SLC43A3: variants seen among roughly 807,000 people sequenced by gnomAD.
SLC43A3 encodes solute carrier family 43 member 3.
A neutral mutation model predicts 53.3 loss-of-function variants in SLC43A3; 33 were observed. That is an observed-to-expected ratio of 0.62 (90% CI 0.47 to 0.83). SLC43A3 has a LOEUF of 0.83. Among genes scored for constraint, SLC43A3 ranks in the 40% least tolerant of loss-of-function variants. The pLI is 0.00. For synonymous variants in SLC43A3, 236 were observed against 246.2 expected (o/e 0.96, Z 0.39); for missense variants, 530 against 610.0 (o/e 0.87, Z 1.38).
Position 57,415,100 on chromosome 11 carries a change from G to A in SLC43A3, c.776C>T (p.Pro259Leu). ...KEFLSAKEET[P>L]GAGQKQELRS... ...GAGTTCCTGCTTCTGCCCTGCCCCT[G>A]GGGTCTCTAATGGGGAGAGGAGGAT... is the stretch of plus-strand genomic sequence containing the variant. Residue 259 changes from proline to leucine, a missense_variant, in exon 10 of 14, where the codon CCA (proline) becomes CTA (leucine). Physicochemically the swap from Pro to Leu is moderately conservative, Grantham distance 98. Around this residue, in one of 3 missense-constraint regions of SLC43A3, gnomAD observed 376 missense variants for 386.7 expected, o/e 0.97. Coordinates refer to ENST00000395124, the MANE Select transcript of SLC43A3 (RefSeq NM_199329.3). 1 of 1,608,904 alleles carries A rather than the reference G, an allele frequency of 6.2e-7. No homozygotes were observed. The highest frequency in any genetic ancestry group is 8.5e-7 in the Non-Finnish European group (1 of 1,177,350).
intron 8 of SLC43A3, 25 bp from the exon 9 acceptor site, chr11:57,416,695 C>T: frequency 6.3e-7 from 1 of 1,587,816 alleles, no homozygotes; most frequent in Non-Finnish European, 8.6e-7. Flanking sequence ...GCCCCACCAG[C>T]AAGGCCAAGG....
Position 57,412,846 on chromosome 11 carries a change from C to T in SLC43A3, c.1060+1769G>A, listed in dbSNP as rs555375078. Among the ~76,000 whole-genome samples, 193 of 151,686 alleles carry T rather than the reference C, an allele frequency of 1.3e-3. 5 individuals carry two copies. The South Asian group carries it at 0.022, about 17-fold the overall frequency. ...GAAAGAAAAGAAAATCATCCTTTTG[C>T]GATCCTAATGAAATAATGGGCCTAG... On this transcript the variant is annotated intron_variant, in intron 11 of 13. Coordinates refer to ENST00000395124, the MANE Select transcript of SLC43A3 (RefSeq NM_199329.3).
intron 9 of SLC43A3, 36 bp downstream of exon 9, chr11:57,416,537 G>C: frequency 6.5e-7 from 1 of 1,542,244 alleles, no homozygotes; most frequent in Non-Finnish European, 9.0e-7. Flanking sequence ...AGAGGCTTGG[G>C]TCTGGAGGAG....
In SLC43A3 at chr11:57,421,018, T is replaced by C. The variant is rs1380212108; in HGVS notation, c.485A>G (p.Tyr162Cys). 2 of 1,614,036 alleles carry C rather than the reference T, an allele frequency of 1.2e-6. No homozygotes were observed. Among genetic ancestry groups the C allele is most frequent in the Admixed American group, 3.3e-5 (2 of 60,020 alleles). The part of the protein sequence containing the change: ...GQHRSTIITL[Y>C]NGAFDSSSAV... ...CGAGGAAGAGTCAAATGCTCCATTGTACAGAGTGATGATGGTCGAACGGTG... is the reference window on the plus strand; with the variant it reads ...CGAGGAAGAGTCAAATGCTCCATTGCACAGAGTGATGATGGTCGAACGGTG... The change falls in exon 7 of 14, where the codon TAC (tyrosine) becomes TGC (cysteine). Residue 162 changes from tyrosine to cysteine, a missense_variant. This residue lies in a region of SLC43A3 where 376 missense variants were observed against 386.7 expected (regional missense o/e 0.97). Coordinates refer to ENST00000395124, the MANE Select transcript of SLC43A3 (RefSeq NM_199329.3).
Position 57,407,665 on chromosome 11 carries a change from T to TGTGTG in SLC43A3, c.*126_*127insCACAC. On this transcript the variant is annotated 3_prime_UTR_variant, in exon 14 of 14. Transcript: ENST00000395124. ...GCAGACGTCCTTGTGTGTCTTTATTTTGTGTGTGTGTGTGTGTGTGTGTGT... is the reference window on the plus strand; with the variant it reads ...GCAGACGTCCTTGTGTGTCTTTATTTGTGTGTGTGTGTGTGTGTGTGTGTGTGTGT... 1 of 565,596 alleles carries TGTGTG rather than the reference T, an allele frequency of 1.8e-6. No individual in the cohort carries two copies. The highest frequency in any genetic ancestry group is 2.9e-5 in the East Asian group (1 of 34,636). The allele number at this position is 565,596 out of a possible 1,614,324, so 35.0% of individuals were successfully genotyped here. A position where few individuals can be genotyped will look rare whatever the true frequency, so the allele number is the denominator to read the frequency against.
At chr11:57,420,484 T>C (rs975138883) in intron 7 of SLC43A3, among the ~76,000 whole-genome samples, 9 of 152,198 alleles carry the variant, frequency 5.9e-5, no homozygotes, top group Admixed American at 5.2e-4. Context: ...TGGTTGTTGA[T>C]TGACCTCTAA....
rs746778375 is a variant in SLC43A3, at chr11:57,415,077, G to C, written c.799C>G (p.Leu267Val). The C allele has an allele frequency of 2.4e-5, 39 of 1,613,212 alleles. No homozygotes were observed. The highest frequency in any genetic ancestry group is 2.8e-5 in the Non-Finnish European group (33 of 1,179,502). The change falls in exon 10 of 14, where the codon CTC becomes GTC. Residue 267 changes from leucine (L) to valine (V), a missense_variant. Around this residue, in one of 3 missense-constraint regions of SLC43A3, gnomAD observed 376 missense variants for 386.7 expected, o/e 0.97. Transcript: ENST00000395124. ...ETPGAGQKQE[L>V]RSFWSYAFSR... The stretch of plus-strand genomic sequence containing the variant: ...AAAGCGTAGCTCCAGAAGGAGCGGA[G>C]TTCCTGCTTCTGCCCTGCCCCTGGG...
In SLC43A3 at chr11:57,426,231, G is replaced by A. The variant is rs1943194419; in HGVS notation, c.-59C>T. 2.6e-6 allele frequency: 4 copies of A among 1,533,490 alleles called. No homozygotes were observed. Among genetic ancestry groups the A allele is most frequent in the Non-Finnish European group, 2.7e-6 (3 of 1,120,836 alleles). 95.0% of individuals were successfully genotyped at this position (1,533,490 alleles called of 1,614,324 possible). On this transcript the variant is annotated 5_prime_UTR_variant, in exon 3 of 14. Coordinates refer to ENST00000395124, the MANE Select transcript of SLC43A3 (RefSeq NM_199329.3). Reference sequence around the variant, plus strand: ...TTGTCCTCCTGGACGGATCACAGGCGCCGTAAGCCTGGCGTTTGAGCACTT... The same window carrying A: ...TTGTCCTCCTGGACGGATCACAGGCACCGTAAGCCTGGCGTTTGAGCACTT...
At chr11:57,418,205 T>C (rs7127631) in intron 7 of SLC43A3, among the ~76,000 whole-genome samples, 1,727 of 152,156 alleles carry the variant, frequency 0.011, 35 homozygotes, top group African/African-American at 0.04. Flanking sequence ...TGTGGTGGCA[T>C]ACACCTGTAG....
chr11:57,420,223 A>G (rs1047946970), intron 7 of SLC43A3, among the ~76,000 whole-genome samples: 1 of 152,264 alleles, frequency 6.6e-6, no homozygotes, highest in Non-Finnish European at 1.5e-5. Flanking sequence ...CTCACACCAC[A>G]ACATTCAATG....
chr11:57,423,766 T>C (rs1382564957), intron 5 of SLC43A3: 5 of 534,966 alleles, frequency 9.3e-6, no homozygotes, highest in Non-Finnish European at 1.3e-5. Context: ...CTCTCTGAAG[T>C]AATCCCTCTC....
chr11:57,414,383 T>C (rs1289894363), intron 11 of SLC43A3, among the ~76,000 whole-genome samples: 2 of 151,912 alleles, frequency 1.3e-5, no homozygotes, highest in African/African-American at 4.8e-5. Context: ...GGCACACGCC[T>C]GTAATCCCAG....
At chr11:57,412,807 CAAAA>C (rs1164525684) in intron 11 of SLC43A3, among the ~76,000 whole-genome samples, 1 of 112,710 alleles carries the variant, frequency 8.9e-6, no homozygotes, top group Non-Finnish European at 1.9e-5. Context: ...GACTCTGTCT[CAAAA>C]AAAAAAAAAG....
chr11:57,409,819 C>T, intron 12 of SLC43A3, 116 bp downstream of exon 12: 1 of 981,808 alleles, frequency 1.0e-6, no homozygotes, highest in Non-Finnish European at 1.5e-6. Context: ...CCCCCAAACC[C>T]AGTCTCCCGC....
chr11:57,417,931 T>A (rs6591424), intron 7 of SLC43A3, 44 bp from the exon 8 acceptor site: 8 of 1,593,332 alleles, frequency 5.0e-6, no homozygotes, highest in African/African-American at 1.3e-5. Context: ...CCCACGTTCA[T>A]AGCAGCACTA....
chr11:57,426,723 C>T (rs186326595), intron 1 of SLC43A3, 71 bp from the exon 2 acceptor site: 2 of 153,212 alleles, frequency 1.3e-5, no homozygotes, highest in East Asian at 3.9e-4. Context: ...CAAACTCCCG[C>T]TGCCAAGTTG....
At chr11:57,418,725 A>C (rs1449393112) in intron 7 of SLC43A3, among the ~76,000 whole-genome samples, 1 of 151,976 alleles carries the variant, frequency 6.6e-6, no homozygotes, top group African/African-American at 2.4e-5. Context: ...CCCCGTCTCT[A>C]CTGAAAATAC....
At chr11:57,425,904 G>A in intron 3 of SLC43A3, 85 bp downstream of exon 3, 1 of 1,406,548 alleles carries the variant, frequency 7.1e-7, no homozygotes, top group Admixed American at 1.8e-5. Flanking sequence ...AAAGAGGGGT[G>A]GGCAGGGGGC....
At chr11:57,412,555 G>A (rs1354203317) in intron 11 of SLC43A3, among the ~76,000 whole-genome samples, 1 of 152,190 alleles carries the variant, frequency 6.6e-6, no homozygotes, top group Non-Finnish European at 1.5e-5. Context: ...GGCAGTGGCT[G>A]TAATCCCAGA....
Sources: gnomAD v4.1 joint callset for allele counts (sites outside exome capture counted in the v4.1 genomes callset) on GRCh38, gnomAD v4.1.1 for gene constraint, gnomAD v4.1.1 regional missense constraint, MANE v1.5 for transcripts, NCBI Gene and HGNC (gene_info 2026-07-23, HGNC 2026-07-21) for gene names.